ESRP1: variants seen among roughly 807,000 people sequenced by gnomAD.
ESRP1 encodes epithelial splicing regulatory protein 1, also known as RNA-binding motif protein 35A.
A neutral mutation model predicts 81.7 loss-of-function variants in ESRP1; 33 were observed. The observed-to-expected ratio is 0.40, with a 90% CI of 0.31 to 0.54. The LOEUF is 0.54. Among genes scored for constraint, ESRP1 ranks in the 20% least tolerant of loss-of-function variants. The pLI is 0.41. For missense variants in ESRP1, 672 were observed against 833.1 expected, an observed-to-expected ratio of 0.81 and a Z score of 2.38; for synonymous variants, 320 against 303.3, an observed-to-expected ratio of 1.06 and a Z score of -0.57.
intron 4 of ESRP1, among the ~76,000 whole-genome samples, chr8:94,661,578 C>T (rs1011374286): frequency 3.3e-5 from 5 of 152,180 alleles, no homozygotes; most frequent in African/African-American, 1.2e-4. Flanking sequence ...ATTCGCAAAA[C>T]TTCATGTGAA....
In ESRP1 at chr8:94,668,165, C is replaced by T; in HGVS notation, c.1148C>T (p.Ala383Val). ...AFVLFACEEY[A>V]QNALRKHKDL... The stretch of plus-strand genomic sequence containing the variant: ...GTCCTCTTTGCCTGTGAGGAATATG[C>T]ACAGAATGCGTTGAGGAAGCATAAA... The change falls in exon 10 of 16, where the codon GCA becomes GTA. Residue 383 changes from alanine (A) to valine (V), a missense_variant. Ala to Val is a moderately conservative substitution (Grantham distance 64). Coordinates refer to ENST00000433389, the MANE Select transcript of ESRP1 (RefSeq NM_017697.4). The T allele has an allele frequency of 6.2e-7, 1 of 1,613,964 alleles. No homozygotes were observed. Among genetic ancestry groups the T allele is most frequent in the East Asian group, 2.2e-5 (1 of 44,878 alleles).
intron 2 of ESRP1, among the ~76,000 whole-genome samples, chr8:94,642,879 A>G (rs1054515422): frequency 5.9e-5 from 9 of 152,186 alleles, no homozygotes; most frequent in African/African-American, 2.2e-4. Flanking sequence ...TATTCATCCA[A>G]GACTTTCCAG....
rs371924036 is a variant in ESRP1 at position 94,692,741 on chromosome 8, C to T, written c.1885C>T (p.Pro629Ser). The T allele has an allele frequency of 8.7e-6, 14 of 1,613,982 alleles. No individual in the cohort carries two copies. Among genetic ancestry groups the T allele is most frequent in the Non-Finnish European group, 1.2e-5 (14 of 1,179,888 alleles). ...AGCTGCTAATCTTAGCGGTGTCCCT[C>T]CACAGCCTGGCACGGTGGTCAGAAT... ...PTAANLSGVP[P>S]QPGTVVRMQG... Residue 629 changes from proline (P) to serine (S), a missense_variant, in exon 14 of 16, where the codon CCA becomes TCA. Coordinates refer to ENST00000433389, the MANE Select transcript of ESRP1 (RefSeq NM_017697.4).
chr8:94,692,837 T>A lies in ESRP1; in HGVS notation c.1971+10T>A. 2 of 1,611,314 alleles carry A rather than the reference T, an allele frequency of 1.2e-6. No homozygotes were observed. Among genetic ancestry groups the A allele is most frequent in the East Asian group, 2.2e-5 (1 of 44,850 alleles). On this transcript the variant is annotated intron_variant, in intron 14 of 15. Coordinates refer to ENST00000433389, the MANE Select transcript of ESRP1 (RefSeq NM_017697.4). ...CTTCCAAGGTTACCAGGTCAGTAGC[T>A]TGAAGGAGAATAATCCTCAGTGCCC...
At position 94,664,351 on chromosome 8, in the gene ESRP1, T is replaced by G. The variant is rs567897593; in HGVS notation, c.645-346T>G. On this transcript the variant is annotated intron_variant, in intron 6 of 15. Coordinates refer to ENST00000433389, the MANE Select transcript of ESRP1 (RefSeq NM_017697.4). ...GTTGGCCAGGCTGGTCGCAAACTCC[T>G]GACCTCGGGTGATCCACCTACCTCA... Among the ~76,000 whole-genome samples the G allele has an allele frequency of 2.0e-5, 3 of 152,212 alleles. No homozygotes were observed. The South Asian group carries it at 6.2e-4, about 32-fold the overall frequency.
chr8:94,662,381 C>A lies in ESRP1; in HGVS notation c.589+11C>A. ...TTTCAGAGCCTTATAGTAAGTATTG[C>A]TTTTATAGTAGTGCAGTCCCAGAAT... On this transcript the variant is annotated intron_variant, in intron 5 of 15. Coordinates refer to ENST00000433389, the MANE Select transcript of ESRP1 (RefSeq NM_017697.4). 1 of 1,552,354 alleles carries A rather than the reference C, an allele frequency of 6.4e-7. No homozygotes were observed. Among genetic ancestry groups the A allele is most frequent in the Non-Finnish European group, 8.8e-7 (1 of 1,141,336 alleles).
Position 94,671,450 on chromosome 8 carries a change from C to T in ESRP1, c.1234-3C>T. On this transcript the variant is annotated splice_polypyrimidine_tract_variant and splice_region_variant and intron_variant, in intron 10 of 15. Transcript: ENST00000433389. The stretch of plus-strand genomic sequence containing the variant: ...AATTACTTCTGTTTTGCTTTGAGTA[C>T]AGGTGCTGAATCGATTCTCCTCGGC... 1.2e-6 allele frequency: 2 copies of T among 1,610,774 alleles called. No homozygotes were observed. Among genetic ancestry groups the T allele is most frequent in the Non-Finnish European group, 1.7e-6 (2 of 1,178,138 alleles).
intron 9 of ESRP1, among the ~76,000 whole-genome samples, chr8:94,665,534 C>T (rs1303104893): frequency 6.6e-6 from 1 of 152,166 alleles, no homozygotes. Flanking sequence ...CTCTGTCACC[C>T]AAACTGGAGT....
At position 94,641,324 on chromosome 8, in the gene ESRP1, G is replaced by T. The variant is rs762693439; in HGVS notation, c.6G>T (p.Thr2=). 1.2e-6 allele frequency: 2 copies of T among 1,605,006 alleles called. No individual in the cohort carries two copies. Among genetic ancestry groups the T allele is most frequent in the Non-Finnish European group, 1.7e-6 (2 of 1,174,268 alleles). The change falls in exon 1 of 16, where the codon ACG becomes ACT. Residue 2 remains threonine, a synonymous_variant. Transcript: ENST00000433389. M[T]ASPDYLVVLF... is the part of the protein sequence containing the mutation. ...CCCCCTCCCCACCTATCGTCATGACGGCCTCTCCGGATTACTTGGTGGTGC... is the reference window on the plus strand; with the variant it reads ...CCCCCTCCCCACCTATCGTCATGACTGCCTCTCCGGATTACTTGGTGGTGC...
In ESRP1 at chr8:94,671,430, C is replaced by T. The variant is rs778228427; in HGVS notation, c.1234-23C>T. ...AGGGGAGTAGCACAGCTCTAAATTA[C>T]TTCTGTTTTGCTTTGAGTACAGGTG... is the stretch of plus-strand genomic sequence containing the variant. On this transcript the variant is annotated intron_variant, in intron 10 of 15. Coordinates refer to ENST00000433389, the MANE Select transcript of ESRP1 (RefSeq NM_017697.4). 7 of 1,599,376 alleles carry T rather than the reference C, an allele frequency of 4.4e-6. No individual in the cohort carries two copies. In the Admixed American group the frequency reaches 6.8e-5, roughly 16 times the overall value.
At chr8:94,671,781 AG>A in intron 11 of ESRP1, 110 bp downstream of exon 11, 1 of 649,728 alleles carries the variant, frequency 1.5e-6, no homozygotes, top group Non-Finnish European at 2.4e-6. Context: ...ATTAGATATT[AG>A]TCTTTGATAA....
intron 4 of ESRP1, among the ~76,000 whole-genome samples, chr8:94,658,762 T>C (rs1404485637): frequency 6.6e-6 from 1 of 152,236 alleles, no homozygotes; most frequent in African/African-American, 2.4e-5. Flanking sequence ...TCCATTCTTC[T>C]GTAATAGGTC....
chr8:94,688,040 A>G (rs142911813), intron 13 of ESRP1, among the ~76,000 whole-genome samples: 6 of 152,220 alleles, frequency 3.9e-5, no homozygotes, highest in African/African-American at 1.4e-4. Context: ...ATTCGATCTG[A>G]GTTCATTTTT....
At chr8:94,646,711 G>T (rs925261421) in intron 4 of ESRP1, among the ~76,000 whole-genome samples, 1 of 151,956 alleles carries the variant, frequency 6.6e-6, no homozygotes, top group African/African-American at 2.4e-5. Context: ...CTGTTCACTG[G>T]TCCCGCTTTT....
chr8:94,656,190 T>A (rs1335745498), intron 4 of ESRP1: 3 of 138,510 alleles, frequency 2.2e-5, no homozygotes, highest in Non-Finnish European at 3.0e-5. Context: ...CTAGGCTACA[T>A]AGCAGGACCC....
intron 9 of ESRP1, among the ~76,000 whole-genome samples, chr8:94,666,088 T>C (rs1213621061): frequency 1.3e-5 from 2 of 152,246 alleles, no homozygotes; most frequent in East Asian, 1.9e-4. Flanking sequence ...TCTATATATA[T>C]ATCTACTTTG....
chr8:94,644,445 C>T (rs750381901), intron 3 of ESRP1, among the ~76,000 whole-genome samples: 7 of 152,132 alleles, frequency 4.6e-5, no homozygotes, highest in Non-Finnish European at 1.0e-4. Flanking sequence ...AGGAGTAACT[C>T]AAGTTGTTAT....
chr8:94,704,862 T>G (rs1810001702), intron 15 of ESRP1, among the ~76,000 whole-genome samples: 2 of 151,120 alleles, frequency 1.3e-5, no homozygotes, highest in Admixed American at 6.6e-5. Context: ...AGACCCTGTT[T>G]CAAAACAATA....
At chr8:94,666,711 C>A (rs1202505283) in intron 9 of ESRP1, among the ~76,000 whole-genome samples, 2 of 152,164 alleles carry the variant, frequency 1.3e-5, no homozygotes, top group African/African-American at 4.8e-5. Context: ...CTTCAAAATT[C>A]AGGACTTCAA....
Sources: gnomAD v4.1 joint callset for allele counts (sites outside exome capture counted in the v4.1 genomes callset) on GRCh38, gnomAD v4.1.1 for gene constraint, MANE v1.5 for transcripts, NCBI Gene and HGNC (gene_info 2026-07-23, HGNC 2026-07-21) for gene names.